Variants in CCDC170 observed in about 807,000 individuals in gnomAD.
The protein encoded by CCDC170 is coiled-coil domain containing 170.
A neutral mutation model predicts 72.6 loss-of-function variants in CCDC170; 69 were observed. The ratio of observed to expected loss-of-function variants is 0.95; its 90% CI spans 0.78 to 1.16. The LOEUF (loss-of-function observed/expected upper bound fraction) is 1.16, where lower values mean the gene tolerates loss of function less well. CCDC170 is among the 50% of genes most tolerant of loss of function. The pLI, the probability that CCDC170 is intolerant of heterozygous loss-of-function variation, is 0.00. For missense variants in CCDC170, 852 were observed against 832.5 expected, an observed-to-expected ratio of 1.02 and a Z score of -0.29; for synonymous variants, 300 against 303.9, an observed-to-expected ratio of 0.99 and a Z score of 0.13.
chr6:151,591,971 CA>C (rs1261638616), intron 7 of CCDC170, among the ~76,000 whole-genome samples: 7 of 146,254 alleles, frequency 4.8e-5, no homozygotes, highest in Non-Finnish European at 7.4e-5. Context: ...GCTAAGTTGC[CA>C]GTGACAACCT....
chr6:151,567,154 G>A (rs920337667), intron 5 of CCDC170, among the ~76,000 whole-genome samples: 4 of 152,060 alleles, frequency 2.6e-5, no homozygotes, highest in African/African-American at 7.2e-5. Context: ...CCGGACCTCA[G>A]GTGATCAGCC....
At chr6:151,524,130 A>G (rs1017117093) in intron 1 of CCDC170, among the ~76,000 whole-genome samples, 1 of 152,130 alleles carries the variant, frequency 6.6e-6, no homozygotes, top group African/African-American at 2.4e-5. Context: ...CCTAGTGCAC[A>G]TGTGGGCGCT....
chr6:151,539,274 GT>G, intron 3 of CCDC170, among the ~76,000 whole-genome samples: 1 of 147,304 alleles, frequency 6.8e-6, no homozygotes, highest in Non-Finnish European at 1.5e-5. Context: ...AAAAAAAAAT[GT>G]TGTATGTATT....
chr6:151,535,737 A>C (rs1174119691), intron 1 of CCDC170, among the ~76,000 whole-genome samples: 1 of 151,908 alleles, frequency 6.6e-6, no homozygotes, highest in Non-Finnish European at 1.5e-5. Flanking sequence ...TGGAAGGAAA[A>C]TCTTTTTTTG....
At chr6:151,561,159 T>C (rs1281769974) in intron 5 of CCDC170, among the ~76,000 whole-genome samples, 2 of 152,148 alleles carry the variant, frequency 1.3e-5, no homozygotes, top group Non-Finnish European at 2.9e-5. Context: ...GTAATAATCA[T>C]ATCATGAAGA....
intron 9 of CCDC170, among the ~76,000 whole-genome samples, chr6:151,597,836 C>CAAT (rs1291658946): frequency 3.9e-5 from 6 of 152,194 alleles, no homozygotes; most frequent in African/African-American, 1.4e-4. Context: ...GTACAGTGGA[C>CAAT]AATAACATCC....
chr6:151,596,837 T>C (rs1050262015), intron 9 of CCDC170, among the ~76,000 whole-genome samples: 1 of 152,086 alleles, frequency 6.6e-6, no homozygotes, highest in South Asian at 2.1e-4. Flanking sequence ...TTTTTTAAAA[T>C]TTTTTTGAGG....
Position 151,602,724 on chromosome 6 carries a change from G to A in CCDC170, c.1710+6147G>A, listed in dbSNP as rs562939824. ...TCTGCCATGATTGTAAGTTTCCTGA[G>A]GTCTCCCCGGCGATGCAGAACTGTG... On this transcript the variant is annotated intron_variant, in intron 9 of 10. Transcript: ENST00000239374. 3.3e-5 allele frequency among the ~76,000 whole-genome samples: 5 copies of A among 152,094 alleles called. No individual in the cohort carries two copies. The East Asian group carries it at 9.6e-4, about 29-fold the overall frequency.
chr6:151,573,296 G>T lies in CCDC170; in HGVS notation c.897G>T (p.Lys299Asn). Reference sequence around the variant, plus strand: ...CAAAGCAGGAAGTGAGCCTCCTGAAGAAAAGCTCTTCTGAGTTGGAGAAGA... The same window carrying T: ...CAAAGCAGGAAGTGAGCCTCCTGAATAAAAGCTCTTCTGAGTTGGAGAAGA... ...DASKQEVSLL[K>N]KSSSELEKSL... is the part of the protein sequence containing the mutation. Residue 299 changes from lysine to asparagine, a missense_variant, in exon 6 of 11, where the codon AAG becomes AAT. Physicochemically the swap from Lys to Asn is moderately conservative, Grantham distance 94 (BLOSUM62 0). Coordinates refer to ENST00000239374, the MANE Select transcript of CCDC170 (RefSeq NM_025059.4). 1 of 1,614,192 alleles carries T rather than the reference G, an allele frequency of 6.2e-7. No homozygotes were observed. Among genetic ancestry groups the T allele is most frequent in the Non-Finnish European group, 8.5e-7 (1 of 1,180,036 alleles).
intron 9 of CCDC170, among the ~76,000 whole-genome samples, chr6:151,615,134 T>C (rs1261520801): frequency 6.6e-6 from 1 of 152,228 alleles, no homozygotes; most frequent in Non-Finnish European, 1.5e-5. Context: ...ATGGACCTCA[T>C]AGAGTGTGTG....
At position 151,494,077 on chromosome 6, in the gene CCDC170, G is replaced by A. The variant is rs1781872226; in HGVS notation, c.-52G>A. 3 of 1,446,340 alleles carry A rather than the reference G, an allele frequency of 2.1e-6. No individual in the cohort carries two copies. The Admixed American group carries it at 8.3e-5, about 40-fold the overall frequency. 89.6% of individuals were successfully genotyped at this position (1,446,340 alleles called of 1,614,324 possible). ...CCACCCGCCGGCTCCCGGCGCCGCC[G>A]CTTCCTCAGGGCCGGTTCCGGGTCC... On this transcript the variant is annotated 5_prime_UTR_variant, in exon 1 of 11. Coordinates refer to ENST00000239374, the MANE Select transcript of CCDC170 (RefSeq NM_025059.4).
chr6:151,526,104 CTT>C (rs1361023241), intron 1 of CCDC170, among the ~76,000 whole-genome samples: 25 of 150,940 alleles, frequency 1.7e-4, no homozygotes, highest in African/African-American at 5.6e-4. Context: ...TTCTTCCTTC[CTT>C]CCTTCCTTCC....
intron 1 of CCDC170, among the ~76,000 whole-genome samples, chr6:151,521,918 G>T (rs549038105): frequency 1.3e-5 from 2 of 151,670 alleles, no homozygotes; most frequent in Non-Finnish European, 2.9e-5. Context: ...CCCAGGAGGC[G>T]GAGCTTGTAG....
chr6:151,516,457 T>A (rs891839883), intron 1 of CCDC170, among the ~76,000 whole-genome samples: 1 of 152,112 alleles, frequency 6.6e-6, no homozygotes, highest in Non-Finnish European at 1.5e-5. Flanking sequence ...CATGAATGGG[T>A]GTGTTGTAAC....
chr6:151,528,048 C>A (rs1277746304), intron 1 of CCDC170, among the ~76,000 whole-genome samples: 1 of 152,032 alleles, frequency 6.6e-6, no homozygotes, highest in African/African-American at 2.4e-5. Context: ...TTGAAACCAC[C>A]CTTTATTCTG....
At chr6:151,578,236 C>T (rs925313813) in intron 6 of CCDC170, among the ~76,000 whole-genome samples, 2 of 152,176 alleles carry the variant, frequency 1.3e-5, no homozygotes, top group African/African-American at 2.4e-5. Flanking sequence ...GGGGCTGCTA[C>T]GACAAAGTAC....
rs553935739 is a variant in CCDC170, at chr6:151,586,016, A to T, written c.1220A>T (p.Gln407Leu). The T allele has an allele frequency of 8.0e-5, 129 of 1,614,224 alleles. 2 individuals are homozygous for T. The South Asian group carries it at 1.3e-3, about 16-fold the overall frequency. ...AATATGTTGGAGACTCTTCAGGGTC[A>T]GCTGACACACCTGGAGGCAGAGCTG... ...AENMLETLQG[Q>L]LTHLEAELVS... The change falls in exon 7 of 11, where the codon CAG becomes CTG. Residue 407 changes from glutamine (Q) to leucine (L), a missense_variant. Transcript: ENST00000239374.
At position 151,538,741 on chromosome 6, in the gene CCDC170, T is replaced by C. The variant is rs1583016219; in HGVS notation, c.443+440T>C. ...ATTGCTAGTTTATGCAGAGAACTCA[T>C]GAAACCTAGGTTTTCCACACTTCAT... On this transcript the variant is annotated intron_variant, in intron 3 of 10. Coordinates refer to ENST00000239374, the MANE Select transcript of CCDC170 (RefSeq NM_025059.4). 2.0e-5 allele frequency among the ~76,000 whole-genome samples: 3 copies of C among 152,216 alleles called. No individual in the cohort carries two copies. The East Asian group carries it at 5.8e-4, about 29-fold the overall frequency.
chr6:151,573,418 TGACTGGGTCCACTGAG>T lies in CCDC170; in HGVS notation c.1023_1038del (p.Gly342ProfsTer62). On this transcript the variant is annotated frameshift_variant, in exon 6 of 11. Coordinates refer to ENST00000239374, the MANE Select transcript of CCDC170 (RefSeq NM_025059.4). LOFTEE classifies it high-confidence loss of function. ...GCCCTCCTTAGGGGCAGATTGAGCA[TGACTGGGTCCACTGAG>T]GACACCATTTTGGAGAAGATTCGAG... 1 of 1,614,176 alleles carries T rather than the reference TGACTGGGTCCACTGAG, an allele frequency of 6.2e-7. No homozygotes were observed. Among genetic ancestry groups the T allele is most frequent in the Non-Finnish European group, 8.5e-7 (1 of 1,180,028 alleles).
Sources: allele counts gnomAD v4.1 joint callset (sites outside exome capture counted in the v4.1 genomes callset), GRCh38; gene constraint gnomAD v4.1.1; transcripts MANE v1.5; gene names NCBI Gene and HGNC (gene_info 2026-07-23, HGNC 2026-07-21).